The following PRDM16 variants were observed in gnomAD, a reference collection of about 807,000 sequenced individuals.
PRDM16 encodes PR/SET domain 16.
In PRDM16, 23 loss-of-function variants were observed where a neutral mutation model predicts 110.6. That is an observed-to-expected ratio of 0.21 (90% confidence interval 0.15 to 0.29). PRDM16 has a LOEUF of 0.29. PRDM16 is among the 10% of genes least tolerant of loss of function. The pLI is 1.00. For synonymous variants in PRDM16, 799 were observed against 781.8 expected, an observed-to-expected ratio of 1.02 and a Z score of -0.37; for missense variants, 1,615 against 1,794.3, an observed-to-expected ratio of 0.90 and a Z score of 1.81.
intron 1 of PRDM16, among the ~76,000 whole-genome samples, chr1:3,145,898 CG>C (rs960605011): frequency 9.2e-5 from 14 of 152,208 alleles, no homozygotes; most frequent in African/African-American, 2.7e-4. Context: ...CCGGTCAGCC[CG>C]GGGTCAGGCT....
chr1:3,177,659 G>A (rs1644105321), intron 1 of PRDM16, among the ~76,000 whole-genome samples: 1 of 152,232 alleles, frequency 6.6e-6, no homozygotes. Context: ...TGTCTGATTA[G>A]AGGCTGATTG....
chr1:3,200,094 T>C (rs2651923), intron 2 of PRDM16, among the ~76,000 whole-genome samples: 150,891 of 152,380 alleles, frequency 0.99, 74,716 homozygotes, highest in East Asian at 1. Context: ...TGTATCCCAG[T>C]GCAGAGGCTG....
chr1:3,264,944 G>T (rs1040088805), intron 3 of PRDM16, among the ~76,000 whole-genome samples: 2 of 152,142 alleles, frequency 1.3e-5, no homozygotes, highest in African/African-American at 4.8e-5. Flanking sequence ...GCAAGGGACT[G>T]GGCAGTGGAG....
chr1:3,151,041 C>G (rs1006842450), intron 1 of PRDM16, among the ~76,000 whole-genome samples: 4 of 151,434 alleles, frequency 2.6e-5, no homozygotes, highest in African/African-American at 9.7e-5. Flanking sequence ...GCTATGGAAG[C>G]CGGGGGCTGG....
chr1:3,342,059 C>G (rs1440576721), intron 3 of PRDM16, among the ~76,000 whole-genome samples: 1 of 152,180 alleles, frequency 6.6e-6, no homozygotes, highest in Admixed American at 6.5e-5. Context: ...CTTCCCAGCC[C>G]AGCCGTGCTC....
At chr1:3,270,706 C>CGGAGGAGGACAGTCGGGGAGGACAGTCCG (rs1557571554) in intron 3 of PRDM16, among the ~76,000 whole-genome samples, 1 of 143,394 alleles carries the variant, frequency 7.0e-6, no homozygotes, top group Non-Finnish European at 1.5e-5. Flanking sequence ...AGGACAGTCC[C>CGGAGGAGGACAGTCGGGGAGGACAGTCCG]GGAGGAGGAC....
At chr1:3,169,370 A>G (rs1228377091) in intron 1 of PRDM16, among the ~76,000 whole-genome samples, 1 of 152,104 alleles carries the variant, frequency 6.6e-6, no homozygotes, top group Non-Finnish European at 1.5e-5. Flanking sequence ...TACGGTTGCC[A>G]TGGGAGCCCC....
chr1:3,281,167 G>T (rs777048642), intron 3 of PRDM16, among the ~76,000 whole-genome samples: 2 of 152,244 alleles, frequency 1.3e-5, no homozygotes, highest in Non-Finnish European at 2.9e-5. Flanking sequence ...AAGATGCCCA[G>T]ATGTCCTCTT....
intron 1 of PRDM16, among the ~76,000 whole-genome samples, chr1:3,165,405 A>G (rs1318609552): frequency 3.8e-4 from 54 of 141,018 alleles, no homozygotes; most frequent in African/African-American, 1.4e-3. Flanking sequence ...GGGCTCAGGG[A>G]CAGTGACTCA....
At position 3,255,469 on chromosome 1, in the gene PRDM16, G is replaced by T. The variant is rs1167977554; in HGVS notation, c.438+11332G>T. Among the ~76,000 whole-genome samples, 1 of 152,172 alleles carries T rather than the reference G, an allele frequency of 6.6e-6. No individual in the cohort carries two copies. Among genetic ancestry groups the T allele is most frequent in the Non-Finnish European group, 1.5e-5 (1 of 68,030 alleles). On this transcript the variant is annotated intron_variant, in intron 3 of 16. Coordinates refer to ENST00000270722, the MANE Select transcript of PRDM16 (RefSeq NM_022114.4). This position sits in a 1 kb window ranked among gnomAD's most constrained non-coding sequence, Gnocchi z 4.7. The stretch of plus-strand genomic sequence containing the variant: ...ATGGCACTGAGCTGTCAACACAGTT[G>T]GGCTCAGAGAGAGGCAAGACAGTGG...
chr1:3,244,922 G>T lies in PRDM16; in HGVS notation c.438+785G>T, dbSNP rs185687233. 1.4e-4 allele frequency among the ~76,000 whole-genome samples: 21 copies of T among 152,308 alleles called. No homozygotes were observed. Among genetic ancestry groups the T allele is most frequent in the Non-Finnish European group, 1.9e-4 (13 of 68,030 alleles). ...GTCCACAGACACAGCACGCTCACAC[G>T]TGGTGGCTGATCTCCTATTTTTTGG... On this transcript the variant is annotated intron_variant, in intron 3 of 16. Transcript: ENST00000270722. This position sits in a 1 kb window ranked among gnomAD's most constrained non-coding sequence, Gnocchi z 4.1.
At chr1:3,291,893 C>T (rs1640980585) in intron 3 of PRDM16, among the ~76,000 whole-genome samples, 1 of 152,254 alleles carries the variant, frequency 6.6e-6, no homozygotes, top group African/African-American at 2.4e-5. Flanking sequence ...CTGCTCGAGA[C>T]CAACCTGGGA....
At chr1:3,168,700 A>G (rs1002352779) in intron 1 of PRDM16, among the ~76,000 whole-genome samples, 2 of 152,082 alleles carry the variant, frequency 1.3e-5, no homozygotes, top group Non-Finnish European at 2.9e-5. Context: ...ATTAATGTGC[A>G]AAAAATGGTT....
At chr1:3,096,106 G>A (rs530656643) in intron 1 of PRDM16, among the ~76,000 whole-genome samples, 31 of 152,232 alleles carry the variant, frequency 2.0e-4, no homozygotes, top group African/African-American at 7.2e-4. Flanking sequence ...TATTTGGGGT[G>A]CAGGGTACGC....
In PRDM16 at chr1:3,323,466, G is replaced by A. The variant is rs1451054349; in HGVS notation, c.439-61686G>A. Among the ~76,000 whole-genome samples, 8 of 152,366 alleles carry A rather than the reference G, an allele frequency of 5.3e-5. No homozygotes were observed. In the East Asian group the frequency reaches 1.2e-3, roughly 22 times the overall value. ...TGCCTGGCCCCTGCCTCAGGAAAGC[G>A]TCTTCCTCCCACAGCAGGCGTGGAC... On this transcript the variant is annotated intron_variant, in intron 3 of 16. Transcript: ENST00000270722.
At chr1:3,335,651 A>G (rs1266892507) in intron 3 of PRDM16, among the ~76,000 whole-genome samples, 1 of 147,658 alleles carries the variant, frequency 6.8e-6, no homozygotes, top group Non-Finnish European at 1.5e-5. Context: ...ACCCTTGGAC[A>G]TAAATCTGCA....
Position 3,412,262 on chromosome 1 carries a change from G to A in PRDM16, c.2065G>A (p.Ala689Thr), listed in dbSNP as rs750573716. 1.4e-5 allele frequency: 22 copies of A among 1,612,794 alleles called. No individual in the cohort carries two copies. The highest frequency in any genetic ancestry group is 3.3e-5 in the Admixed American group (2 of 59,990). ...GCAGCTGCTGACTGCAACGGGCGCC[G>A]CCGGGGACTCCATCAAGGCCATCGC... is the stretch of plus-strand genomic sequence containing the variant. ...DEQLLTATGA[A>T]GDSIKAIASI... Residue 689 changes from alanine (A) to threonine (T), a missense_variant, in exon 9 of 17, where the codon GCC becomes ACC. Around this residue, in one of 5 missense-constraint regions of PRDM16, gnomAD observed 772 missense variants for 748.3 expected, o/e 1.03. Transcript: ENST00000270722.
At chr1:3,269,898 C>T (rs1201228720) in intron 3 of PRDM16, among the ~76,000 whole-genome samples, 1 of 143,828 alleles carries the variant, frequency 7.0e-6, no homozygotes, top group East Asian at 2.0e-4. Flanking sequence ...GGAGGAAAGT[C>T]CCAGAGGAGG....
rs887308883 is a variant in PRDM16 at position 3,246,077 on chromosome 1, G to C, written c.438+1940G>C. 1.9e-4 allele frequency among the ~76,000 whole-genome samples: 29 copies of C among 152,252 alleles called. No homozygotes were observed. Among genetic ancestry groups the C allele is most frequent in the African/African-American group, 6.0e-4 (25 of 41,548 alleles). ...GGTCAAGTCTAGATTTAAAGGGCCC[G>C]GGGGAGGCAAGTGCTGGCTGCTTCT... On this transcript the variant is annotated intron_variant, in intron 3 of 16. Transcript: ENST00000270722. The surrounding 1 kb of genome is among the most constrained non-coding windows in gnomAD (Gnocchi z 5.2).
Sources: allele counts gnomAD v4.1 joint callset (sites outside exome capture counted in the v4.1 genomes callset), GRCh38; gene constraint gnomAD v4.1.1; regional missense constraint gnomAD v4.1.1; non-coding constraint Gnocchi (gnomAD v3.1); transcripts MANE v1.5; gene names NCBI Gene and HGNC (gene_info 2026-07-23, HGNC 2026-07-21).